The following AXL variants were observed in gnomAD, a reference collection of about 807,000 sequenced individuals.
The protein encoded by AXL is AXL receptor tyrosine kinase.
AXL carries 52 observed loss-of-function variants against 104.5 expected under a neutral mutation model. The ratio of observed to expected loss-of-function variants is 0.50; its 90% CI spans 0.40 to 0.63. The LOEUF is 0.63. AXL is among the 20% of genes least tolerant of loss of function. AXL has a pLI of 0.00. For synonymous variants in AXL, 455 were observed against 473.7 expected, an observed-to-expected ratio of 0.96 and a Z score of 0.51; for missense variants, 1,024 against 1,188.5, an observed-to-expected ratio of 0.86 and a Z score of 2.04.
At chr19:41,255,119 G>T (rs1056676593) in intron 17 of AXL, among the ~76,000 whole-genome samples, 1 of 152,132 alleles carries the variant, frequency 6.6e-6, no homozygotes, top group African/African-American at 2.4e-5. Context: ...TGCTAGTTTA[G>T]CCTGTTCTGA....
In AXL at chr19:41,260,859, G is replaced by A. The variant is rs1405402967; in HGVS notation, c.*955G>A. On this transcript the variant is annotated 3_prime_UTR_variant, in exon 20 of 20. Coordinates refer to ENST00000301178, the MANE Select transcript of AXL (RefSeq NM_021913.5). ...AAGGCCTAGGATTCTAAAATGTGAT[G>A]TTCTAAGGCTCTGAGAGTCTAGATT... The A allele has an allele frequency of 6.6e-6, 1 of 152,114 alleles. No individual in the cohort carries two copies. The highest frequency in any genetic ancestry group is 6.6e-5 in the Admixed American group (1 of 15,258). The allele number at this position is 152,114 out of a possible 1,614,324, so 9.4% of individuals were successfully genotyped here.
At chr19:41,227,724 A>G (rs1173922557) in intron 4 of AXL, among the ~76,000 whole-genome samples, 1 of 151,960 alleles carries the variant, frequency 6.6e-6, no homozygotes, top group Non-Finnish European at 1.5e-5. Context: ...CCTAATCTCA[A>G]GTGATCCACC....
At chr19:41,232,078 C>G (rs1468266738) in intron 6 of AXL, among the ~76,000 whole-genome samples, 2 of 152,124 alleles carry the variant, frequency 1.3e-5, no homozygotes, top group Non-Finnish European at 1.5e-5. Context: ...CCACTGGATA[C>G]CCAGAACCCT....
intron 4 of AXL, among the ~76,000 whole-genome samples, chr19:41,228,099 C>T (rs1211630244): frequency 1.3e-5 from 2 of 152,116 alleles, no homozygotes; most frequent in Admixed American, 6.6e-5. Flanking sequence ...GACTGATGTA[C>T]GTTGTATAGC....
In AXL at chr19:41,259,511, G is replaced by C. The variant is rs202040550; in HGVS notation, c.2334-42G>C. The C allele has an allele frequency of 3.8e-4, 582 of 1,528,444 alleles. 2 individuals are homozygous for C. The African/African-American group carries it at 5.2e-3, about 14-fold the overall frequency. 94.7% of individuals were successfully genotyped at this position (1,528,444 alleles called of 1,614,324 possible). On this transcript the variant is annotated intron_variant, in intron 19 of 19. Transcript: ENST00000301178. The stretch of plus-strand genomic sequence containing the variant: ...CAGGCTTCCAGAATGCACCCCTTCT[G>C]AGTCCCTGCTCAATCTCCCACCCCT...
intron 6 of AXL, among the ~76,000 whole-genome samples, chr19:41,235,900 G>A (rs2034070679): frequency 6.6e-6 from 1 of 152,136 alleles, no homozygotes; most frequent in Non-Finnish European, 1.5e-5. Context: ...TTTTTATTAA[G>A]ATAATATATA....
intron 4 of AXL, among the ~76,000 whole-genome samples, chr19:41,226,146 G>GCCC (rs886222243): frequency 6.6e-6 from 1 of 152,190 alleles, no homozygotes; most frequent in African/African-American, 2.4e-5. Flanking sequence ...CTGGCTCCGC[G>GCCC]CCCCCGAAGC....
rs552949350 is a variant in AXL, at chr19:41,243,786, T to C, written c.1537+79T>C. On this transcript the variant is annotated intron_variant, in intron 12 of 19. Coordinates refer to ENST00000301178, the MANE Select transcript of AXL (RefSeq NM_021913.5). Reference sequence around the variant, plus strand: ...ATCTGGCCTGCTGGGCTTCTGTACATGTGTGAGCCAAAAGTTTCTAAAGGC... The same window carrying C: ...ATCTGGCCTGCTGGGCTTCTGTACACGTGTGAGCCAAAAGTTTCTAAAGGC... 86 of 1,273,012 alleles carry C rather than the reference T, an allele frequency of 6.8e-5. 1 individual carries two copies. In the South Asian group the frequency reaches 9.7e-4, roughly 14 times the overall value. The allele number at this position is 1,273,012 out of a possible 1,614,324, so 78.9% of individuals were successfully genotyped here.
chr19:41,249,452 C>T (rs34772093), intron 14 of AXL, among the ~76,000 whole-genome samples: 6,562 of 151,604 alleles, frequency 0.043, 336 homozygotes, highest in East Asian at 0.26. Flanking sequence ...GAGACTTTGT[C>T]TTAAAAAAAT....
At chr19:41,251,642 G>A (rs974555326) in intron 14 of AXL, among the ~76,000 whole-genome samples, 2 of 151,578 alleles carry the variant, frequency 1.3e-5, no homozygotes, top group African/African-American at 2.4e-5. Context: ...CTAGGAGTTC[G>A]AGCCTAACCT....
chr19:41,231,568 G>A (rs1180316965), intron 6 of AXL, among the ~76,000 whole-genome samples: 3 of 152,124 alleles, frequency 2.0e-5, no homozygotes, highest in Admixed American at 1.3e-4. Flanking sequence ...TATGCTTAGT[G>A]TGAAAATTCA....
intron 4 of AXL, among the ~76,000 whole-genome samples, chr19:41,230,422 G>C (rs1471811959): frequency 6.6e-6 from 1 of 151,250 alleles, no homozygotes; most frequent in Non-Finnish European, 1.5e-5. Flanking sequence ...GTGTAAGAGT[G>C]AGTGTGCCTG....
chr19:41,232,385 G>T (rs1265965720), intron 6 of AXL, among the ~76,000 whole-genome samples: 1 of 152,190 alleles, frequency 6.6e-6, no homozygotes, highest in Admixed American at 6.5e-5. Flanking sequence ...ACTTTGGGAG[G>T]CCAAGGCTGG....
chr19:41,243,388 C>G (rs1290556352), intron 11 of AXL, among the ~76,000 whole-genome samples: 1 of 151,940 alleles, frequency 6.6e-6, no homozygotes, highest in Non-Finnish European at 1.5e-5. Context: ...TCACTGCACT[C>G]CAGCCTGGGT....
intron 14 of AXL, among the ~76,000 whole-genome samples, chr19:41,250,297 A>C (rs1447859866): frequency 6.6e-6 from 1 of 152,252 alleles, no homozygotes; most frequent in Non-Finnish European, 1.5e-5. Context: ...GGAGAAGCAT[A>C]GGGCATTCAG....
intron 10 of AXL, among the ~76,000 whole-genome samples, chr19:41,242,539 G>A (rs1195159596): frequency 3.3e-5 from 5 of 151,744 alleles, no homozygotes; most frequent in Non-Finnish European, 5.9e-5. Flanking sequence ...CATGTCGGCC[G>A]GGCTGGTCTT....
rs1568416329 is a variant in AXL, at chr19:41,248,402, A to C, written c.1538-112A>C. The C allele has an allele frequency of 1.3e-5, 14 of 1,054,488 alleles. No individual in the cohort carries two copies. The Admixed American group carries it at 1.6e-4, about 12-fold the overall frequency. 65.3% of individuals were successfully genotyped at this position (1,054,488 alleles called of 1,614,324 possible). A position where few individuals can be genotyped will look rare whatever the true frequency, so the allele number is the denominator to read the frequency against. On this transcript the variant is annotated intron_variant, in intron 12 of 19. Transcript: ENST00000301178. ...TCAGGGCAGTTGCTAATTTTAAATC[A>C]GTGCAGAAGTATGTCAGTGTTTCAA...
rs190035609 is a variant in AXL at position 41,236,498 on chromosome 19, A to G, written c.784-1446A>G. ...GCTCAGGTGATGAAATGAGACTCAT[A>G]GGCCGGGCACGGTGGCTCACACCTG... On this transcript the variant is annotated intron_variant, in intron 6 of 19. Transcript: ENST00000301178. 2.0e-3 allele frequency among the ~76,000 whole-genome samples: 298 copies of G among 151,472 alleles called. 2 individuals carry two copies. The highest frequency in any genetic ancestry group is 3.4e-3 in the Admixed American group (51 of 15,190).
Position 41,220,677 on chromosome 19 carries a change from A to G in AXL, c.127A>G (p.Asn43Asp), listed in dbSNP as rs1366442221. 1 of 1,608,152 alleles carries G rather than the reference A, an allele frequency of 6.2e-7. No homozygotes were observed. Among genetic ancestry groups the G allele is most frequent in the Non-Finnish European group, 8.5e-7 (1 of 1,177,378 alleles). ...AAGTCCCTTCGTGGGCAACCCAGGG[A>G]ATATCACAGGTGCCCGGGGACTCAC... Reference protein sequence around the residue: ...EESPFVGNPGNITGARGLTGT... With the variant: ...EESPFVGNPGDITGARGLTGT... The change falls in exon 2 of 20, where the codon AAT (asparagine) becomes GAT (aspartate). Residue 43 changes from asparagine (N) to aspartate (D), a missense_variant. Physicochemically the swap from Asn to Asp is conservative, Grantham distance 23. Coordinates refer to ENST00000301178, the MANE Select transcript of AXL (RefSeq NM_021913.5).
Sources: allele counts gnomAD v4.1 joint callset (sites outside exome capture counted in the v4.1 genomes callset), GRCh38; gene constraint gnomAD v4.1.1; transcripts MANE v1.5; gene names NCBI Gene and HGNC (gene_info 2026-07-23, HGNC 2026-07-21).